The following BCAT2 variants were observed in gnomAD, a reference collection of about 807,000 sequenced individuals.
BCAT2 encodes branched chain amino acid transaminase 2, also known as branched-chain-amino-acid aminotransferase, mitochondrial.
Under a neutral mutation model 52.9 loss-of-function variants are expected in BCAT2, and 44 were observed. That is an observed-to-expected ratio of 0.83 (90% CI 0.65 to 1.07). The LOEUF (loss-of-function observed/expected upper bound fraction) is 1.07, where lower values mean the gene tolerates loss of function less well. BCAT2 is among the 50% of genes least tolerant of loss of function. BCAT2 has a pLI of 0.00. For synonymous variants in BCAT2, 215 were observed against 217.1 expected (o/e 0.99, Z 0.08); for missense variants, 478 against 521.8 (o/e 0.92, Z 0.82).
intron 3 of BCAT2, among the ~76,000 whole-genome samples, chr19:48,804,997 A>AAAGG (rs955266454): frequency 6.6e-6 from 1 of 151,994 alleles, no homozygotes; most frequent in Non-Finnish European, 1.5e-5. Context: ...AAAATTCTGG[A>AAAGG]AAGGAAGGAA....
At chr19:48,797,419 C>T (rs2034551841) in intron 6 of BCAT2, 86 bp from the exon 7 acceptor site, 2 of 1,503,272 alleles carry the variant, frequency 1.3e-6, no homozygotes, top group African/African-American at 1.4e-5. Flanking sequence ...CCTACTCTCT[C>T]CCGTCTCCCT....
In BCAT2 at chr19:48,796,645, C is replaced by T. The variant is rs202101618; in HGVS notation, c.998G>A (p.Arg333Gln). The T allele has an allele frequency of 1.9e-5, 30 of 1,613,678 alleles. No individual in the cohort carries two copies. In the African/African-American group the frequency reaches 2.0e-4, roughly 11 times the overall value. ...LLRALEEGRV[R>Q]EVFGSGTACQ... The stretch of plus-strand genomic sequence containing the variant: ...AGCGGTGCCCGAGCCAAAGACTTCC[C>T]GCACGCGGCCCTCCTCCAGGGCCCG... The change falls in exon 9 of 11, where the codon CGG becomes CAG. Residue 333 changes from arginine to glutamine, a missense_variant. Arg to Gln is a conservative substitution (Grantham distance 43). Transcript: ENST00000316273.
rs2034784161 is a variant in BCAT2 at position 48,806,531 on chromosome 19, G to T, written c.286C>A (p.His96Asn). The T allele has an allele frequency of 6.2e-7, 1 of 1,613,968 alleles. No individual in the cohort carries two copies. Among genetic ancestry groups the T allele is most frequent in the African/African-American group, 1.3e-5 (1 of 75,060 alleles). ...CGCCATGCCACCTGCAGGGAGTAGT[G>T]GAGGCTGGAGGAGGCTGGGTGCAGC... ...LTLHPASSSL[H>N]YSLQLFEGMK... The change falls in exon 3 of 11, where the codon CAC becomes AAC. Residue 96 changes from histidine to asparagine, a missense_variant. Coordinates refer to ENST00000316273, the MANE Select transcript of BCAT2 (RefSeq NM_001190.4).
intron 1 of BCAT2, chr19:48,808,103 A>T: frequency 1.0e-6 from 1 of 987,054 alleles, no homozygotes; most frequent in Non-Finnish European, 1.2e-6. Context: ...TCGCTAGGTG[A>T]GTTGCTGGGA....
At chr19:48,809,928 T>C (rs968411399) in intron 1 of BCAT2, among the ~76,000 whole-genome samples, 1 of 152,150 alleles carries the variant, frequency 6.6e-6, no homozygotes, top group Non-Finnish European at 1.5e-5. Flanking sequence ...CTCAGCCCAA[T>C]TATCTCCATT....
chr19:48,806,463 C>G, intron 3 of BCAT2, 54 bp downstream of exon 3: 1 of 1,596,760 alleles, frequency 6.3e-7, no homozygotes, highest in South Asian at 1.1e-5. Flanking sequence ...AGAGACACAG[C>G]AAGGAGGAGG....
At chr19:48,803,926 G>C (rs1442467675) in intron 3 of BCAT2, among the ~76,000 whole-genome samples, 1 of 152,218 alleles carries the variant, frequency 6.6e-6, no homozygotes, top group Non-Finnish European at 1.5e-5. Context: ...TTGGGAGGAT[G>C]AGGCGGTGGA....
rs1362796555 is a variant in BCAT2, at chr19:48,796,567, C to G, written c.1065+11G>C. The stretch of plus-strand genomic sequence containing the variant: ...CCTTCCCTCCCACCCACAATGGCAG[C>G]CCCGCCTCACCCTGTCTTTGTACAG... On this transcript the variant is annotated intron_variant, in intron 9 of 10. Coordinates refer to ENST00000316273, the MANE Select transcript of BCAT2 (RefSeq NM_001190.4). The G allele has an allele frequency of 6.2e-7, 1 of 1,611,476 alleles. No homozygotes were observed. The highest frequency in any genetic ancestry group is 1.1e-5 in the South Asian group (1 of 90,862).
intron 6 of BCAT2, chr19:48,797,540 T>G: frequency 1.7e-6 from 1 of 598,118 alleles, no homozygotes; most frequent in East Asian, 2.9e-5. Flanking sequence ...CTCTTCCCAC[T>G]TTTCTTTCTT....
In BCAT2 at chr19:48,795,518, T is replaced by A. The variant is rs1174011451; in HGVS notation, c.1141-54A>T. The A allele has an allele frequency of 6.9e-6, 11 of 1,602,872 alleles. No individual in the cohort carries two copies. In the Admixed American group the frequency reaches 1.9e-4, roughly 27 times the overall value. On this transcript the variant is annotated intron_variant, in intron 10 of 10. Transcript: ENST00000316273. ...GTGGAAGCTGCACTACAACTCCCAG[T>A]AGGCCCTGGGGTGTTCCAGGCCGAG...
chr19:48,796,293 G>C (rs762339820), intron 10 of BCAT2, 135 bp downstream of exon 10: 1 of 1,146,560 alleles, frequency 8.7e-7, no homozygotes, highest in African/African-American at 1.5e-5. Context: ...CCACTCTCCA[G>C]GGCCTCAATA....
intron 1 of BCAT2, 23 bp downstream of exon 1, chr19:48,810,961 C>G (rs1337639880): frequency 1.9e-6 from 3 of 1,606,826 alleles, no homozygotes; most frequent in Admixed American, 1.7e-5. Context: ...TTCCCAGACC[C>G]CGGCGCGGGG....
chr19:48,806,672 GCTT>G lies in BCAT2; in HGVS notation c.142_144del (p.Lys48del). On this transcript the variant is annotated inframe_deletion, in exon 3 of 11. Coordinates refer to ENST00000316273, the MANE Select transcript of BCAT2 (RefSeq NM_001190.4). ...AACACCAGGGGCTCGCCGGGGCCAG[GCTT>G]CTTATGAGGCTTCTGTGTCATTTCC... 5 of 1,613,840 alleles carry G rather than the reference GCTT, an allele frequency of 3.1e-6. No homozygotes were observed. The highest frequency in any genetic ancestry group is 3.4e-6 in the Non-Finnish European group (4 of 1,179,910).
chr19:48,800,051 A>G lies in BCAT2; in HGVS notation c.461T>C (p.Val154Ala). The G allele has an allele frequency of 6.2e-7, 1 of 1,613,976 alleles. No homozygotes were observed. Among genetic ancestry groups the G allele is most frequent in the South Asian group, 1.1e-5 (1 of 91,076 alleles). Residue 154 changes from valine (V) to alanine (A), a missense_variant, in exon 5 of 11, where the codon GTG becomes GCG. Transcript: ENST00000316273. ...LLECIRRLIE[V>A]DKDWVPDAAG... The stretch of plus-strand genomic sequence containing the variant: ...GGCATCGGGGACCCAGTCCTTGTCC[A>G]CTTCGATGAGCCGGCGGATGCACTC...
At chr19:48,808,251 A>G in intron 1 of BCAT2, 1 of 985,802 alleles carries the variant, frequency 1.0e-6, no homozygotes, top group Non-Finnish European at 1.2e-6. Flanking sequence ...CCAGAGGGAT[A>G]GGACACCCAC....
At chr19:48,800,406 A>T (rs1568507906) in intron 3 of BCAT2, 109 bp from the exon 4 acceptor site, 2 of 975,400 alleles carry the variant, frequency 2.1e-6, no homozygotes, top group East Asian at 5.2e-5. Flanking sequence ...TGAAAGATGG[A>T]GGCCAAGAGG....
In BCAT2 at chr19:48,800,198, GGC is replaced by G; in HGVS notation, c.398_399del (p.Arg133ProfsTer117). 2.5e-6 allele frequency: 4 copies of G among 1,613,666 alleles called. No individual in the cohort carries two copies. Among genetic ancestry groups the G allele is most frequent in the Non-Finnish European group, 3.4e-6 (4 of 1,179,974 alleles). Reference sequence around the variant, plus strand: ...CCGGGACCCCTCACCGGCAGGCACAGGCGCATGGCTGAGCGCAGCATCCGGTC... The same window carrying G: ...CCGGGACCCCTCACCGGCAGGCACAGGCATGGCTGAGCGCAGCATCCGGTC... ...NMDRMLRSAM[R>X]LCLPSFDKLE... On this transcript the variant is annotated frameshift_variant, in exon 4 of 11. Transcript: ENST00000316273. LOFTEE classifies it high-confidence loss of function.
intron 3 of BCAT2, among the ~76,000 whole-genome samples, chr19:48,803,787 G>T (rs924736287): frequency 5.3e-5 from 8 of 152,198 alleles, no homozygotes; most frequent in Non-Finnish European, 1.2e-4. Flanking sequence ...TGATTAATAG[G>T]TATGGGGGAT....
In BCAT2 at chr19:48,800,088, G is replaced by C; in HGVS notation, c.424C>G (p.Leu142Val). Reference sequence around the variant, plus strand: ...CGGCGGATGCACTCCAGCAACTCCAGCTTGTCGAAACTCTGGGTGGGATTC... The same window carrying C: ...CGGCGGATGCACTCCAGCAACTCCACCTTGTCGAAACTCTGGGTGGGATTC... ...MRLCLPSFDK[L>V]ELLECIRRLI... The change falls in exon 5 of 11, where the codon CTG becomes GTG. Residue 142 changes from leucine (L) to valine (V), a missense_variant. Coordinates refer to ENST00000316273, the MANE Select transcript of BCAT2 (RefSeq NM_001190.4). The C allele has an allele frequency of 6.2e-6, 10 of 1,614,010 alleles. No individual in the cohort carries two copies. Among genetic ancestry groups the C allele is most frequent in the Non-Finnish European group, 8.5e-6 (10 of 1,179,910 alleles).
Sources: gnomAD v4.1 joint callset for allele counts (sites outside exome capture counted in the v4.1 genomes callset) on GRCh38, gnomAD v4.1.1 for gene constraint, MANE v1.5 for transcripts, NCBI Gene and HGNC (gene_info 2026-07-23, HGNC 2026-07-21) for gene names.